Variants in DCDC2 observed in about 807,000 individuals in gnomAD.
DCDC2 encodes doublecortin domain containing 2, also known as doublecortin domain-containing protein 2.
DCDC2 carries 40 observed loss-of-function variants against 50.2 expected under a neutral mutation model. That is an observed-to-expected ratio of 0.80 (90% CI 0.62 to 1.04). The LOEUF (loss-of-function observed/expected upper bound fraction) is 1.04. DCDC2 is among the 50% of genes least tolerant of loss of function. The pLI, the probability that DCDC2 is intolerant of heterozygous loss-of-function variation, is 0.00. For missense variants in DCDC2, 570 were observed against 581.9 expected (o/e 0.98, Z 0.21); for synonymous variants, 234 against 210.6 (o/e 1.11, Z -0.96).
chr6:24,377,813 C>G, the DCDC2 span, among the ~76,000 whole-genome samples: 3 of 152,102 alleles, frequency 2.0e-5, no homozygotes, highest in Non-Finnish European at 4.4e-5. Flanking sequence ...TATGGTGAAA[C>G]CCCGTTTCTC....
upstream of DCDC2, among the ~76,000 whole-genome samples, chr6:24,362,677 C>T (rs1760689366): frequency 6.6e-6 from 1 of 152,146 alleles, no homozygotes; most frequent in Admixed American, 6.5e-5. Context: ...CTTCTCTAGA[C>T]CATCTAAAAG....
intron 2 of DCDC2, among the ~76,000 whole-genome samples, chr6:24,334,690 T>C (rs951681961): frequency 6.6e-6 from 1 of 152,200 alleles, no homozygotes; most frequent in African/African-American, 2.4e-5. Context: ...ACTAATCTTC[T>C]ATCTATGTAA....
chr6:24,220,915 C>CGAGCGAGT (rs1762103835), intron 7 of DCDC2, among the ~76,000 whole-genome samples: 1 of 131,672 alleles, frequency 7.6e-6, no homozygotes, highest in African/African-American at 2.6e-5. Context: ...AGAGAGTGAG[C>CGAGCGAGT]GAGCGAGCGA....
At chr6:24,286,391 G>A (rs1763610418) in intron 6 of DCDC2, among the ~76,000 whole-genome samples, 1 of 152,104 alleles carries the variant, frequency 6.6e-6, no homozygotes, top group African/African-American at 2.4e-5. Flanking sequence ...CCAGGACTTT[G>A]AGAACAGCCT....
intron 8 of DCDC2, among the ~76,000 whole-genome samples, chr6:24,202,855 A>G (rs1040390489): frequency 6.6e-6 from 1 of 152,186 alleles, no homozygotes; most frequent in African/African-American, 2.4e-5. Flanking sequence ...ACAAACAGAG[A>G]GCCAAATCAT....
intron 2 of DCDC2, among the ~76,000 whole-genome samples, chr6:24,310,965 G>A (rs1025562014): frequency 6.6e-6 from 1 of 152,062 alleles, no homozygotes; most frequent in African/African-American, 2.4e-5. Context: ...AAATCCTCTA[G>A]GAGCTGCACC....
intron 7 of DCDC2, among the ~76,000 whole-genome samples, chr6:24,256,469 A>C (rs1762900142): frequency 6.6e-6 from 1 of 152,130 alleles, no homozygotes; most frequent in South Asian, 2.1e-4. Context: ...CAAGTTAAAA[A>C]GCTTATTTTT....
chr6:24,371,276 C>CA, the DCDC2 span, among the ~76,000 whole-genome samples: 61 of 102,020 alleles, frequency 6.0e-4, no homozygotes, highest in African/African-American at 2.0e-3. Context: ...CACTCCATCT[C>CA]AAAAAAAAAA....
At chr6:24,352,946 A>C (rs547621838) in intron 2 of DCDC2, among the ~76,000 whole-genome samples, 2 of 152,310 alleles carry the variant, frequency 1.3e-5, no homozygotes, top group South Asian at 4.2e-4. Flanking sequence ...TCACAAACTA[A>C]AGAATACATC....
At chr6:24,354,309 C>T (rs1760426660) in intron 1 of DCDC2, among the ~76,000 whole-genome samples, 1 of 152,102 alleles carries the variant, frequency 6.6e-6, no homozygotes, top group African/African-American at 2.4e-5. Flanking sequence ...TAAATGGTCC[C>T]TAAACTGTGC....
intron 4 of DCDC2, among the ~76,000 whole-genome samples, chr6:24,294,728 G>A (rs1319958949): frequency 2.0e-5 from 3 of 152,170 alleles, no homozygotes; most frequent in South Asian, 2.1e-4. Context: ...GAAAGGGATG[G>A]ATAAATTCCT....
At chr6:24,372,946 C>T in the DCDC2 span, among the ~76,000 whole-genome samples, 1 of 151,916 alleles carries the variant, frequency 6.6e-6, no homozygotes, top group Non-Finnish European at 1.5e-5. Flanking sequence ...AAGAAAAAAA[C>T]ATTTGAATAG....
At chr6:24,363,132 ATGAAAGGCAT>A in the DCDC2 span, among the ~76,000 whole-genome samples, 1 of 152,190 alleles carries the variant, frequency 6.6e-6, no homozygotes, top group Admixed American at 6.5e-5. Flanking sequence ...TCCTAAGTAT[ATGAAAGGCAT>A]TGAGAATGAG....
intron 7 of DCDC2, among the ~76,000 whole-genome samples, chr6:24,205,775 A>G (rs1561889750): frequency 1.3e-5 from 2 of 152,122 alleles, no homozygotes; most frequent in African/African-American, 4.8e-5. Flanking sequence ...TGTTTTTCAT[A>G]TTTGAAGTAG....
rs1760827891 is a variant in DCDC2, at chr6:24,173,286, A to G, written c.*1444T>C. The G allele has an allele frequency of 1.3e-5, 2 of 151,906 alleles. No homozygotes were observed. Among genetic ancestry groups the G allele is most frequent in the Admixed American group, 1.3e-4 (2 of 15,262 alleles). 9.4% of individuals were successfully genotyped at this position (151,906 alleles called of 1,614,324 possible). ...AATCATATTAAGAAAAAACACATCT[A>G]TTTTCTATAGTATTATTAAGTGCTT... On this transcript the variant is annotated 3_prime_UTR_variant, in exon 10 of 10. Coordinates refer to ENST00000378454, the MANE Select transcript of DCDC2 (RefSeq NM_016356.5).
chr6:24,342,903 AT>A (rs1388579226), intron 2 of DCDC2, among the ~76,000 whole-genome samples: 1 of 152,058 alleles, frequency 6.6e-6, no homozygotes, highest in Non-Finnish European at 1.5e-5. Flanking sequence ...ACTTTCCAAC[AT>A]TTTTACTCTT....
intron 5 of DCDC2, among the ~76,000 whole-genome samples, chr6:24,289,713 A>G (rs983491361): frequency 1.3e-5 from 2 of 152,188 alleles, no homozygotes; most frequent in African/African-American, 4.8e-5. Flanking sequence ...TGCATAGTTC[A>G]AACACCACCC....
intron 7 of DCDC2, among the ~76,000 whole-genome samples, chr6:24,253,952 C>G (rs1170208459): frequency 6.6e-6 from 1 of 152,172 alleles, no homozygotes; most frequent in African/African-American, 2.4e-5. Context: ...TTTAACTTGA[C>G]TCTTTCATAA....
chr6:24,268,021 A>G (rs1763161869), intron 7 of DCDC2, among the ~76,000 whole-genome samples: 2 of 152,120 alleles, frequency 1.3e-5, no homozygotes, highest in Non-Finnish European at 2.9e-5. Context: ...CAATAATCCC[A>G]CCAGATGCTC....
Sources: gnomAD v4.1 joint callset for allele counts (sites outside exome capture counted in the v4.1 genomes callset) on GRCh38, gnomAD v4.1.1 for gene constraint, MANE v1.5 for transcripts, NCBI Gene and HGNC (gene_info 2026-07-23, HGNC 2026-07-21) for gene names.